CREB5: variants seen among roughly 807,000 people sequenced by gnomAD.
CREB5 encodes cyclic AMP-responsive element-binding protein 5.
In CREB5, 19 loss-of-function variants were observed where a neutral mutation model predicts 57.1. The ratio of observed to expected loss-of-function variants is 0.33; its 90% CI spans 0.23 to 0.49. The LOEUF (loss-of-function observed/expected upper bound fraction) is 0.49, where lower values mean the gene tolerates loss of function less well. Among genes scored for constraint, CREB5 ranks in the 20% least tolerant of loss-of-function variants. The pLI is 0.99. For missense variants in CREB5, 579 were observed against 671.6 expected (o/e 0.86, Z 1.52); for synonymous variants, 238 against 238.3 (o/e 1.00, Z 0.01).
chr7:28,653,362 G>A (rs1562551270), intron 5 of CREB5, among the ~76,000 whole-genome samples: 1 of 152,168 alleles, frequency 6.6e-6, no homozygotes, highest in Non-Finnish European at 1.5e-5. Flanking sequence ...TCAGTGTGTT[G>A]ACATGGCATG....
At chr7:28,812,977 G>A (rs913149257) in intron 9 of CREB5, among the ~76,000 whole-genome samples, 3 of 152,128 alleles carry the variant, frequency 2.0e-5, no homozygotes, top group African/African-American at 7.2e-5. Context: ...GGAAAAACCA[G>A]ACCTAAGAAA....
chr7:28,815,546 G>GACTT (rs1435987765), intron 9 of CREB5, among the ~76,000 whole-genome samples: 1 of 152,212 alleles, frequency 6.6e-6, no homozygotes, highest in Non-Finnish European at 1.5e-5. Flanking sequence ...TAGTAAAACA[G>GACTT]ACTTATGAAA....
At chr7:28,559,498 A>T (rs961987605) in intron 4 of CREB5, among the ~76,000 whole-genome samples, 1 of 152,076 alleles carries the variant, frequency 6.6e-6, no homozygotes, top group Non-Finnish European at 1.5e-5. Flanking sequence ...GTATTTTAGT[A>T]GAGACGGGAT....
chr7:28,433,495 A>C (rs1788814684), intron 1 of CREB5, among the ~76,000 whole-genome samples: 1 of 152,156 alleles, frequency 6.6e-6, no homozygotes, highest in African/African-American at 2.4e-5. Context: ...TTGCCTATCA[A>C]AATTTACAAT....
At chr7:28,307,275 TC>T (rs1343236129) in intron 1 of CREB5, among the ~76,000 whole-genome samples, 7 of 152,198 alleles carry the variant, frequency 4.6e-5, no homozygotes, top group African/African-American at 1.4e-4. Flanking sequence ...AGTGGGGCTT[TC>T]AGGATCTGAT....
chr7:28,800,326 C>G (rs1024087044), intron 7 of CREB5, among the ~76,000 whole-genome samples: 1 of 151,640 alleles, frequency 6.6e-6, no homozygotes, highest in South Asian at 2.1e-4. Context: ...CGCGAAGGCC[C>G]CATGTCTGGA....
chr7:28,365,492 A>G (rs1219305582), intron 1 of CREB5, among the ~76,000 whole-genome samples: 1 of 152,174 alleles, frequency 6.6e-6, no homozygotes, highest in East Asian at 1.9e-4. Context: ...ATCAGCAAAC[A>G]AAGGCATTGT....
chr7:28,560,079 T>C (rs1795019671), intron 4 of CREB5, among the ~76,000 whole-genome samples: 1 of 152,236 alleles, frequency 6.6e-6, no homozygotes, highest in Non-Finnish European at 1.5e-5. Flanking sequence ...ACTAAAGCTC[T>C]TTTCAAACCA....
intron 1 of CREB5, among the ~76,000 whole-genome samples, chr7:28,388,066 G>C (rs1168094689): frequency 6.6e-6 from 1 of 152,122 alleles, no homozygotes; most frequent in Non-Finnish European, 1.5e-5. Context: ...AGCTGTATCT[G>C]GAGGAATCCT....
intron 5 of CREB5, among the ~76,000 whole-genome samples, chr7:28,698,049 A>G (rs933290063): frequency 6.6e-6 from 1 of 152,220 alleles, no homozygotes; most frequent in Non-Finnish European, 1.5e-5. Flanking sequence ...TGATGAGTTA[A>G]GTGTAAATGA....
At chr7:28,390,862 T>C (rs1787203175) in intron 1 of CREB5, among the ~76,000 whole-genome samples, 1 of 152,040 alleles carries the variant, frequency 6.6e-6, no homozygotes, top group Non-Finnish European at 1.5e-5. Context: ...GACAACAGAG[T>C]TCAAGTCAAG....
intron 1 of CREB5, among the ~76,000 whole-genome samples, chr7:28,416,536 G>A (rs1313375591): frequency 1.2e-4 from 18 of 152,164 alleles, no homozygotes; most frequent in African/African-American, 3.9e-4. Flanking sequence ...GATAAAGTCC[G>A]TTTCCACCAG....
chr7:28,502,003 C>T (rs1792293415), intron 3 of CREB5, among the ~76,000 whole-genome samples: 1 of 152,210 alleles, frequency 6.6e-6, no homozygotes, highest in East Asian at 1.9e-4. Flanking sequence ...GGTGTTCCAT[C>T]TCCCCACTGA....
chr7:28,627,407 C>A (rs1203781258), intron 5 of CREB5, among the ~76,000 whole-genome samples: 3 of 152,314 alleles, frequency 2.0e-5, no homozygotes, highest in East Asian at 3.9e-4. Flanking sequence ...AAACAAATAC[C>A]AGTACTTGGG....
At chr7:28,701,324 C>T (rs1172980133) in intron 5 of CREB5, among the ~76,000 whole-genome samples, 1 of 152,108 alleles carries the variant, frequency 6.6e-6, no homozygotes, top group East Asian at 1.9e-4. Flanking sequence ...CCCCAAAATC[C>T]CTCTTATTTT....
At chr7:28,410,217 G>C, upstream of CREB5, 1 of 453,774 alleles carries the variant, frequency 2.2e-6, no homozygotes, top group Non-Finnish European at 4.4e-6. Flanking sequence ...CAGGCGCTCC[G>C]GGCTGGAGAG....
At chr7:28,308,829 A>G (rs563831152) in intron 1 of CREB5, among the ~76,000 whole-genome samples, 2 of 152,300 alleles carry the variant, frequency 1.3e-5, no homozygotes, top group African/African-American at 4.8e-5. Flanking sequence ...CTGATGGTTA[A>G]TTTTATATGT....
chr7:28,658,350 TC>T (rs1204716015), intron 5 of CREB5, among the ~76,000 whole-genome samples: 1 of 152,222 alleles, frequency 6.6e-6, no homozygotes, highest in Non-Finnish European at 1.5e-5. Flanking sequence ...AAACAATAGT[TC>T]CTATCTACCT....
In CREB5 at chr7:28,823,885, A is replaced by G. The variant is rs1445530525; in HGVS notation, c.*4606A>G. 1 of 152,598 alleles carries G rather than the reference A, an allele frequency of 6.6e-6. No individual in the cohort carries two copies. The highest frequency in any genetic ancestry group is 1.9e-4 in the East Asian group (1 of 5,200). 9.5% of individuals were successfully genotyped at this position (152,598 alleles called of 1,614,324 possible). The stretch of plus-strand genomic sequence containing the variant: ...AACAACCCATTTAAATTTGAATAAA[A>G]CCGTGCCTATGCGAACAGTAGCAAT... On this transcript the variant is annotated 3_prime_UTR_variant, in exon 11 of 11. Coordinates refer to ENST00000357727, the MANE Select transcript of CREB5 (RefSeq NM_182898.4).
Sources: allele counts gnomAD v4.1 joint callset (sites outside exome capture counted in the v4.1 genomes callset), GRCh38; gene constraint gnomAD v4.1.1; transcripts MANE v1.5; gene names NCBI Gene and HGNC (gene_info 2026-07-23, HGNC 2026-07-21).